The following MALT1 variants were observed in gnomAD, a reference collection of about 807,000 sequenced individuals.
MALT1 encodes MALT1 paracaspase.
MALT1 carries 36 observed loss-of-function variants against 85.5 expected under a neutral mutation model. The ratio of observed to expected loss-of-function variants is 0.42; its 90% CI spans 0.32 to 0.56. MALT1 has a LOEUF of 0.56. Among genes scored for constraint, MALT1 ranks in the 20% least tolerant of loss-of-function variants. The pLI is 0.10. For missense variants in MALT1, 716 were observed against 981.6 expected (o/e 0.73, Z 3.62); for synonymous variants, 359 against 361.3 (o/e 0.99, Z 0.07).
Position 58,749,678 on chromosome 18 carries a change from G to C in MALT1, c.*1836G>C. 4.5e-6 allele frequency: 1 copy of C among 220,916 alleles called. No individual in the cohort carries two copies. The highest frequency in any genetic ancestry group is 9.1e-6 in the Non-Finnish European group (1 of 110,314). 13.7% of individuals were successfully genotyped at this position (220,916 alleles called of 1,614,324 possible). On this transcript the variant is annotated 3_prime_UTR_variant, in exon 17 of 17. Coordinates refer to ENST00000649217, the MANE Select transcript of MALT1 (RefSeq NM_006785.4). The stretch of plus-strand genomic sequence containing the variant: ...CAAATACATAACCTTGAATAATGAG[G>C]ATCAACTGTACCATATTTAATAAAG...
At position 58,748,203 on chromosome 18, in the gene MALT1, G is replaced by C. The variant is rs574342260; in HGVS notation, c.*361G>C. ...TTTTAACACCAGAAAGAACCTTGCCGATCACCAGGCATAACCTAATTTTAT... is the reference window on the plus strand; with the variant it reads ...TTTTAACACCAGAAAGAACCTTGCCCATCACCAGGCATAACCTAATTTTAT... On this transcript the variant is annotated 3_prime_UTR_variant, in exon 17 of 17. Coordinates refer to ENST00000649217, the MANE Select transcript of MALT1 (RefSeq NM_006785.4). The C allele has an allele frequency of 3.9e-6, 1 of 258,190 alleles. No individual in the cohort carries two copies. Among genetic ancestry groups the C allele is most frequent in the African/African-American group, 2.2e-5 (1 of 45,110 alleles). The allele number at this position is 258,190 out of a possible 1,614,324, so 16.0% of individuals were successfully genotyped here.
In MALT1 at chr18:58,751,415, A is replaced by G. The variant is rs2055444647; in HGVS notation, c.*3573A>G. 1.3e-5 allele frequency: 2 copies of G among 151,770 alleles called. No homozygotes were observed. Among genetic ancestry groups the G allele is most frequent in the African/African-American group, 4.8e-5 (2 of 41,384 alleles). 9.4% of individuals were successfully genotyped at this position (151,770 alleles called of 1,614,324 possible). ...TATTTGATTTTTTTTTTTTTAAGACAGAGTCCTGGCTCTGTCGCCCAGGCT... is the reference window on the plus strand; with the variant it reads ...TATTTGATTTTTTTTTTTTTAAGACGGAGTCCTGGCTCTGTCGCCCAGGCT... On this transcript the variant is annotated 3_prime_UTR_variant, in exon 17 of 17. Coordinates refer to ENST00000649217, the MANE Select transcript of MALT1 (RefSeq NM_006785.4).
chr18:58,679,027 T>G (rs1379133527), intron 1 of MALT1, among the ~76,000 whole-genome samples: 1 of 152,234 alleles, frequency 6.6e-6, no homozygotes, highest in East Asian at 1.9e-4. Context: ...TATGTTTCTT[T>G]GGGAAAGTTT....
chr18:58,685,504 T>C (rs920536281), intron 2 of MALT1, among the ~76,000 whole-genome samples: 7 of 152,164 alleles, frequency 4.6e-5, no homozygotes, highest in Non-Finnish European at 7.3e-5. Flanking sequence ...TGCCCAGAAA[T>C]AGCTAGAGCA....
intron 14 of MALT1, among the ~76,000 whole-genome samples, chr18:58,742,692 G>A (rs560601099): frequency 6.8e-4 from 103 of 152,220 alleles, no homozygotes; most frequent in Middle Eastern, 3.4e-3. Flanking sequence ...CAGTCTGGGC[G>A]ACAGAGCGAG....
At chr18:58,737,317 A>G (rs2055236852) in intron 13 of MALT1, among the ~76,000 whole-genome samples, 2 of 152,068 alleles carry the variant, frequency 1.3e-5, no homozygotes, top group Admixed American at 1.3e-4. Context: ...CCCCATCTCT[A>G]TAAAAATTTA....
At chr18:58,679,164 A>G (rs2054283353) in intron 1 of MALT1, among the ~76,000 whole-genome samples, 1 of 152,220 alleles carries the variant, frequency 6.6e-6, no homozygotes, top group Non-Finnish European at 1.5e-5. Context: ...ATGGCCTTCT[A>G]TGATCTGATC....
intron 14 of MALT1, among the ~76,000 whole-genome samples, chr18:58,742,296 A>G (rs2055312194): frequency 6.6e-6 from 1 of 152,232 alleles, no homozygotes; most frequent in African/African-American, 2.4e-5. Flanking sequence ...CCATTTGTCT[A>G]ATACACAATC....
chr18:58,687,725 TGA>T (rs540075904), intron 2 of MALT1, among the ~76,000 whole-genome samples: 87 of 152,370 alleles, frequency 5.7e-4, no homozygotes, highest in African/African-American at 2.0e-3. Flanking sequence ...AAATGCGTCG[TGA>T]GAGAGAATAA....
intron 2 of MALT1, among the ~76,000 whole-genome samples, chr18:58,687,565 A>T (rs892389282): frequency 1.3e-5 from 2 of 152,314 alleles, no homozygotes; most frequent in Non-Finnish European, 2.9e-5. Flanking sequence ...ATAGCATAGA[A>T]GATTGCAGAG....
intron 9 of MALT1, among the ~76,000 whole-genome samples, chr18:58,717,288 G>A (rs927658851): frequency 2.6e-5 from 4 of 151,424 alleles, no homozygotes; most frequent in East Asian, 3.9e-4. Flanking sequence ...TCTTGAACCC[G>A]AGAGGTGGAG....
At chr18:58,742,066 C>T in intron 14 of MALT1, 52 bp downstream of exon 14, 1 of 1,346,656 alleles carries the variant, frequency 7.4e-7, no homozygotes, top group Non-Finnish European at 9.8e-7. Flanking sequence ...AACGTTAAAT[C>T]ATAAAGTTTC....
chr18:58,713,235 A>G (rs1311000318), intron 7 of MALT1, among the ~76,000 whole-genome samples: 1 of 152,204 alleles, frequency 6.6e-6, no homozygotes, highest in Non-Finnish European at 1.5e-5. Context: ...TGTTAATGTT[A>G]ATTTTTATCT....
At chr18:58,698,224 G>C (rs376735455) in intron 3 of MALT1, among the ~76,000 whole-genome samples, 1 of 151,516 alleles carries the variant, frequency 6.6e-6, no homozygotes, top group African/African-American at 2.4e-5. Context: ...GCATCACCAC[G>C]CCCAGCTCAT....
rs562076733 is a variant in MALT1 at position 58,737,473 on chromosome 18, C to G, written c.1603+2144C>G. The stretch of plus-strand genomic sequence containing the variant: ...TCCAGCATGTGTGACAGAGCAAGCC[C>G]CATCTCAAAAAAAAAAAAAAAGAAA... On this transcript the variant is annotated intron_variant, in intron 13 of 16. Transcript: ENST00000649217. Among the ~76,000 whole-genome samples the G allele has an allele frequency of 9.6e-5, 14 of 145,108 alleles. No individual in the cohort carries two copies. The East Asian group carries it at 2.7e-3, about 28-fold the overall frequency.
intron 4 of MALT1, among the ~76,000 whole-genome samples, chr18:58,701,152 T>C (rs1177256179): frequency 6.6e-6 from 1 of 152,016 alleles, no homozygotes; most frequent in South Asian, 2.1e-4. Flanking sequence ...CACACATATA[T>C]GTGTGTGTGC....
At chr18:58,721,511 A>T (rs940421686) in intron 9 of MALT1, among the ~76,000 whole-genome samples, 3 of 146,724 alleles carry the variant, frequency 2.0e-5, no homozygotes, top group Admixed American at 6.6e-5. Flanking sequence ...GTATATTCAT[A>T]ACACTGGGCA....
chr18:58,747,419 C>T lies in MALT1; in HGVS notation c.2052C>T (p.Phe684=). 7 of 1,609,254 alleles carry T rather than the reference C, an allele frequency of 4.3e-6. No individual in the cohort carries two copies. The highest frequency in any genetic ancestry group is 5.9e-6 in the Non-Finnish European group (7 of 1,176,564). The change falls in exon 17 of 17, where the codon TTC becomes TTT. Residue 684 remains phenylalanine (F), a synonymous_variant. Coordinates refer to ENST00000649217, the MANE Select transcript of MALT1 (RefSeq NM_006785.4). ...SLQKLKEHLV[F]TVCLSYQYSG... Reference sequence around the variant, plus strand: ...TTCCTTTTCAGGAACATCTAGTCTTCACAGTATGTTTATCATATCAGTACT... The same window carrying T: ...TTCCTTTTCAGGAACATCTAGTCTTTACAGTATGTTTATCATATCAGTACT...
At position 58,748,590 on chromosome 18, in the gene MALT1, TAAGAATCAAG is replaced by T. The variant is rs1335305132; in HGVS notation, c.*750_*759del. 5.3e-6 allele frequency: 1 copy of T among 188,984 alleles called. No individual in the cohort carries two copies. Among genetic ancestry groups the T allele is most frequent in the Non-Finnish European group, 1.1e-5 (1 of 89,508 alleles). The allele number at this position is 188,984 out of a possible 1,614,324, so 11.7% of individuals were successfully genotyped here. A position where few individuals can be genotyped will look rare whatever the true frequency, so the allele number is the denominator to read the frequency against. On this transcript the variant is annotated 3_prime_UTR_variant, in exon 17 of 17. Coordinates refer to ENST00000649217, the MANE Select transcript of MALT1 (RefSeq NM_006785.4). ...ATGTTTGTTAAAGCTAGATAGAGGT[TAAGAATCAAG>T]ATATAATGGATAATTTTCATAGCTG...
Sources: gnomAD v4.1 joint callset for allele counts (sites outside exome capture counted in the v4.1 genomes callset) on GRCh38, gnomAD v4.1.1 for gene constraint, MANE v1.5 for transcripts, NCBI Gene and HGNC (gene_info 2026-07-23, HGNC 2026-07-21) for gene names.